The following TENM3 variants were observed in gnomAD, a reference collection of about 807,000 sequenced individuals.
TENM3 encodes the protein teneurin transmembrane protein 3, also known as teneurin-3.
TENM3 carries 63 observed loss-of-function variants against 255.1 expected under a neutral mutation model. That is an observed-to-expected ratio of 0.25 (90% CI 0.20 to 0.30). The LOEUF (loss-of-function observed/expected upper bound fraction) is 0.30. TENM3 is among the 10% of genes least tolerant of loss of function. The pLI is 1.00. For synonymous variants in TENM3, 1,306 were observed against 1,322.3 expected (o/e 0.99, Z 0.27); for missense variants, 2,929 against 3,461.1 (o/e 0.85, Z 3.86).
the TENM3 span, among the ~76,000 whole-genome samples, chr4:182,091,691 G>A: frequency 6.6e-6 from 1 of 152,140 alleles, no homozygotes; most frequent in African/African-American, 2.4e-5. Flanking sequence ...TCTAATAATG[G>A]GTGGTTGCTA....
intron 1 of TENM3, among the ~76,000 whole-genome samples, chr4:182,165,072 G>C (rs1751615032): frequency 6.6e-6 from 1 of 152,146 alleles, no homozygotes; most frequent in Non-Finnish European, 1.5e-5. Flanking sequence ...TAGGAAATAA[G>C]TTTTAAAAGC....
chr4:181,679,943 G>A, the TENM3 span, among the ~76,000 whole-genome samples: 1 of 152,152 alleles, frequency 6.6e-6, no homozygotes, highest in South Asian at 2.1e-4. Context: ...CTCCTGGCTG[G>A]CTTGACTGAG....
chr4:182,369,396 T>A (rs1336674813), intron 3 of TENM3, among the ~76,000 whole-genome samples: 1 of 152,202 alleles, frequency 6.6e-6, no homozygotes, highest in Non-Finnish European at 1.5e-5. Context: ...TAAAACCCGC[T>A]GAGTAAACTT....
chr4:182,066,653 A>G, the TENM3 span, among the ~76,000 whole-genome samples: 434 of 151,150 alleles, frequency 2.9e-3, 3 homozygotes, highest in East Asian at 0.029. Context: ...GCTCATGCCT[A>G]TAATCCCAGC....
At chr4:181,722,568 CTAATA>C in the TENM3 span, among the ~76,000 whole-genome samples, 2 of 152,058 alleles carry the variant, frequency 1.3e-5, no homozygotes, top group Admixed American at 1.3e-4. Flanking sequence ...GTAGTTGTGT[CTAATA>C]TGTTTTTCTA....
At chr4:181,872,634 T>G in the TENM3 span, among the ~76,000 whole-genome samples, 1 of 152,236 alleles carries the variant, frequency 6.6e-6, no homozygotes, top group Non-Finnish European at 1.5e-5. Context: ...CTCTATGAAT[T>G]GTGATCATAT....
chr4:181,575,916 T>A, the TENM3 span, among the ~76,000 whole-genome samples: 17 of 152,058 alleles, frequency 1.1e-4, no homozygotes, highest in African/African-American at 3.1e-4. Flanking sequence ...ATAGCAAGAG[T>A]GATAGCTTCC....
At chr4:182,652,048 A>G (rs1464193385) in intron 5 of TENM3, among the ~76,000 whole-genome samples, 1 of 152,156 alleles carries the variant, frequency 6.6e-6, no homozygotes, top group African/African-American at 2.4e-5. Flanking sequence ...TTTTCTATGT[A>G]TTAACTTTTT....
intron 1 of TENM3, among the ~76,000 whole-genome samples, chr4:182,199,464 A>G (rs982151472): frequency 1.7e-4 from 26 of 152,166 alleles, no homozygotes; most frequent in African/African-American, 6.3e-4. Context: ...TGCCCATTTC[A>G]TTATTCAGTA....
At chr4:181,985,512 A>G in the TENM3 span, among the ~76,000 whole-genome samples, 1 of 152,128 alleles carries the variant, frequency 6.6e-6, no homozygotes, top group East Asian at 1.9e-4. Flanking sequence ...AGTCTCATGA[A>G]AAACCACAGA....
At chr4:182,653,666 G>A (rs1269639312) in intron 5 of TENM3, 105 bp from the exon 6 acceptor site, 2 of 1,272,032 alleles carry the variant, frequency 1.6e-6, no homozygotes, top group Non-Finnish European at 2.1e-6. Flanking sequence ...TTCAGAAAAT[G>A]GAAATTGTAA....
At chr4:182,649,701 T>G (rs1402550017) in intron 5 of TENM3, among the ~76,000 whole-genome samples, 1 of 150,444 alleles carries the variant, frequency 6.6e-6, no homozygotes, top group Non-Finnish European at 1.5e-5. Flanking sequence ...AACTTTAGTT[T>G]TAGACAGAAT....
intron 3 of TENM3, among the ~76,000 whole-genome samples, chr4:182,494,400 CTGTTA>C (rs771968500): frequency 1.3e-5 from 2 of 152,122 alleles, no homozygotes; most frequent in African/African-American, 2.4e-5. Context: ...GTTAGTTATA[CTGTTA>C]TAATTGTTCT....
intron 1 of TENM3, among the ~76,000 whole-genome samples, chr4:182,168,278 G>T (rs2149680733): frequency 6.6e-6 from 1 of 152,152 alleles, no homozygotes. Flanking sequence ...GGGACTACAG[G>T]CATGTGCTAC....
At chr4:181,548,634 C>A in the TENM3 span, among the ~76,000 whole-genome samples, 4 of 152,000 alleles carry the variant, frequency 2.6e-5, no homozygotes, top group African/African-American at 4.8e-5. Flanking sequence ...CTCTCCCAAG[C>A]AAAAGATTAA....
intron 13 of TENM3, among the ~76,000 whole-genome samples, chr4:182,718,902 G>C (rs977668133): frequency 6.6e-6 from 1 of 152,158 alleles, no homozygotes; most frequent in Non-Finnish European, 1.5e-5. Context: ...GCAATAGCTC[G>C]CCAGAGATAA....
At chr4:182,126,021 A>T in the TENM3 span, among the ~76,000 whole-genome samples, 2 of 152,224 alleles carry the variant, frequency 1.3e-5, no homozygotes, top group Non-Finnish European at 2.9e-5. Context: ...CTTAAAAATG[A>T]TACCAGATAA....
At chr4:182,244,123 T>A (rs1757489466) in intron 1 of TENM3, among the ~76,000 whole-genome samples, 1 of 151,530 alleles carries the variant, frequency 6.6e-6, no homozygotes, top group South Asian at 2.1e-4. Context: ...CCGGCTAATT[T>A]TTTGTATTTT....
intron 1 of TENM3, among the ~76,000 whole-genome samples, chr4:182,235,422 C>T (rs1197848039): frequency 6.6e-6 from 1 of 152,178 alleles, no homozygotes; most frequent in Non-Finnish European, 1.5e-5. Context: ...CGTGCAATCT[C>T]CAGTGTTAGT....
Sources: gnomAD v4.1 joint callset for allele counts (sites outside exome capture counted in the v4.1 genomes callset) on GRCh38, gnomAD v4.1.1 for gene constraint, MANE v1.5 for transcripts, NCBI Gene and HGNC (gene_info 2026-07-23, HGNC 2026-07-21) for gene names.